PCF11: variants seen among roughly 807,000 people sequenced by gnomAD.
The protein encoded by PCF11 is PCF11 cleavage and polyadenylation factor subunit, also known as pre-mRNA cleavage complex 2 protein Pcf11.
A neutral mutation model predicts 166.1 loss-of-function variants in PCF11; 19 were observed. That is an observed-to-expected ratio of 0.11 (90% CI 0.08 to 0.17). The LOEUF (loss-of-function observed/expected upper bound fraction) is 0.17. Ranked by LOEUF, PCF11 falls within the 10% of genes least tolerant of loss-of-function variation. The pLI, the probability that PCF11 is intolerant of heterozygous loss-of-function variation, is 1.00. For synonymous variants in PCF11, 663 were observed against 644.1 expected (o/e 1.03, Z -0.44); for missense variants, 1,565 against 1,855.5 (o/e 0.84, Z 2.88).
At chr11:83,168,531 A>G (rs1200469592) in exon 8 of PCF11, 2 of 1,613,936 alleles carry the variant, frequency 1.2e-6, no homozygotes, top group Admixed American at 1.7e-5. Context: ...CAGCATCAAG[A>G]TTCGCCGGCC....
At chr11:83,174,294 A>G (rs760865913) in intron 9 of PCF11, among the ~76,000 whole-genome samples, 15 of 152,186 alleles carry the variant, frequency 9.9e-5, no homozygotes, top group Non-Finnish European at 1.3e-4. Context: ...CATTTTTCAG[A>G]CATATATTAG....
intron 15 of PCF11, 53 bp downstream of exon 15, chr11:83,183,126 C>A: frequency 1.9e-6 from 2 of 1,079,190 alleles, no homozygotes; most frequent in Admixed American, 2.9e-5. Flanking sequence ...ATAAATTTTA[C>A]TTTTCAGTTT....
chr11:83,175,879 C>T (rs1225642501), intron 9 of PCF11, among the ~76,000 whole-genome samples: 7 of 152,236 alleles, frequency 4.6e-5, no homozygotes, highest in Non-Finnish European at 1.0e-4. Flanking sequence ...TTAGGCTTAT[C>T]TTATTTATTC....
At chr11:83,161,214 A>T in intron 1 of PCF11, 113 bp from the exon 2 acceptor site, 1 of 763,130 alleles carries the variant, frequency 1.3e-6, no homozygotes, top group Non-Finnish European at 2.1e-6. Flanking sequence ...TACTTCAAAA[A>T]TATTTAGTAT....
intron 9 of PCF11, among the ~76,000 whole-genome samples, chr11:83,173,719 CTTTTTTTTTTTTT>C (rs869126679): frequency 2.0e-4 from 12 of 59,070 alleles, no homozygotes; most frequent in South Asian, 7.8e-4. Context: ...TTCTTTCTTT[CTTTTTTTTTTTTT>C]TTTTTTTTTT....
At chr11:83,165,281 G>A (rs1038514176) in intron 4 of PCF11, among the ~76,000 whole-genome samples, 2 of 152,314 alleles carry the variant, frequency 1.3e-5, no homozygotes, top group Middle Eastern at 3.4e-3. Context: ...CAGCCGGAGT[G>A]TAGTGATTTA....
At chr11:83,164,123 T>C in intron 3 of PCF11, 84 bp from the exon 4 acceptor site, 4 of 895,594 alleles carry the variant, frequency 4.5e-6, no homozygotes, top group Non-Finnish European at 5.1e-6. Context: ...TTGGATCATA[T>C]TAAGAGTTAA....
At chr11:83,169,907 A>G (rs1860624107) in exon 8 of PCF11, 4 of 1,611,370 alleles carry the variant, frequency 2.5e-6, no homozygotes, top group South Asian at 2.2e-5. Context: ...CACTATTTTG[A>G]TGAAAAAAAT....
At chr11:83,157,166 G>C in exon 1 of PCF11, 1 of 574,164 alleles carries the variant, frequency 1.7e-6, no homozygotes, top group Non-Finnish European at 3.1e-6. Context: ...GACATTTTCG[G>C]AGCTGGAGCC....
chr11:83,173,339 C>T (rs1366963417), intron 9 of PCF11, among the ~76,000 whole-genome samples: 2 of 152,042 alleles, frequency 1.3e-5, no homozygotes, highest in African/African-American at 4.8e-5. Context: ...CCTGTAGTCC[C>T]AGCTACTCAG....
Position 83,186,675 on chromosome 11 carries a change from G to A in PCF11, c.*1781G>A, listed in dbSNP as rs1193745157. ...GCTTTTTTATTTTTTTAAGAATCAA[G>A]TGAATACAATTTTAGAGATTGCTAA... On this transcript the variant is annotated 3_prime_UTR_variant, in exon 16 of 16. Transcript: ENST00000298281. 2.0e-5 allele frequency: 3 copies of A among 152,182 alleles called. No homozygotes were observed. The South Asian group carries it at 6.2e-4, about 31-fold the overall frequency. 9.4% of individuals were successfully genotyped at this position (152,182 alleles called of 1,614,324 possible).
chr11:83,171,850 T>C, exon 9 of PCF11: 5 of 1,605,250 alleles, frequency 3.1e-6, no homozygotes, highest in Non-Finnish European at 4.3e-6. Context: ...CAGTAGCTTT[T>C]GGTCAAGGAC....
exon 16 of PCF11, chr11:83,186,173 A>ATTGT (rs1178865784): frequency 2.6e-5 from 4 of 152,150 alleles, no homozygotes; most frequent in Admixed American, 6.5e-5. Flanking sequence ...CCCCAAATTG[A>ATTGT]TTGTTAGGAT....
chr11:83,169,952 T>A, exon 8 of PCF11: 1 of 1,605,174 alleles, frequency 6.2e-7, no homozygotes, highest in East Asian at 2.2e-5. Context: ...TTTGGCAATA[T>A]ACCTGCTCCA....
intron 7 of PCF11, among the ~76,000 whole-genome samples, chr11:83,168,224 T>G (rs1384346810): frequency 6.6e-6 from 1 of 152,136 alleles, no homozygotes; most frequent in East Asian, 1.9e-4. Flanking sequence ...AATGAAATAA[T>G]TAGTATGTTG....
In PCF11 at chr11:83,177,270, T is replaced by C. The variant is rs1385099807; in HGVS notation, c.3877+66T>C. 1.0e-5 allele frequency: 12 copies of C among 1,199,026 alleles called. 1 individual carries two copies. Among genetic ancestry groups the C allele is most frequent in the Non-Finnish European group, 1.4e-5 (12 of 884,958 alleles). The allele number at this position is 1,199,026 out of a possible 1,614,324, so 74.3% of individuals were successfully genotyped here. ...TAAGTTTTTGAGATGTATGATGTAATATAATGATATAAGTTATGATAAAGG... is the reference window on the plus strand; with the variant it reads ...TAAGTTTTTGAGATGTATGATGTAACATAATGATATAAGTTATGATAAAGG... On this transcript the variant is annotated intron_variant, in intron 10 of 15. Transcript: ENST00000298281.
chr11:83,167,756 T>C lies in PCF11; in HGVS notation c.2092+251T>C. The C allele has an allele frequency of 1.4e-6, 2 of 1,444,020 alleles. No homozygotes were observed. Among genetic ancestry groups the C allele is most frequent in the Non-Finnish European group, 1.8e-6 (2 of 1,089,582 alleles). The allele number at this position is 1,444,020 out of a possible 1,614,324, so 89.5% of individuals were successfully genotyped here. A position where few individuals can be genotyped will look rare whatever the true frequency, so the allele number is the denominator to read the frequency against. Reference sequence around the variant, plus strand: ...CCAAAAGTAAACATGCAAGTAGGAATAGTGGAGCACAGTTTGACAGAAAAG... The same window carrying C: ...CCAAAAGTAAACATGCAAGTAGGAACAGTGGAGCACAGTTTGACAGAAAAG... On this transcript the variant is annotated intron_variant, in intron 7 of 15. Transcript: ENST00000298281. The surrounding 1 kb of genome is among the most constrained non-coding windows in gnomAD (Gnocchi z 4.2).
chr11:83,166,201 T>C (rs1860449397), exon 5 of PCF11: 1 of 1,612,554 alleles, frequency 6.2e-7, no homozygotes, highest in Non-Finnish European at 8.5e-7. Context: ...GATGAGCACA[T>C]GAAGTCATCC....
chr11:83,186,096 T>C (rs1241118807), exon 16 of PCF11: 1 of 152,234 alleles, frequency 6.6e-6, no homozygotes, highest in African/African-American at 2.4e-5. Flanking sequence ...TTTAAAATTT[T>C]TATAAGAATT....
Sources: gnomAD v4.1 joint callset for allele counts (sites outside exome capture counted in the v4.1 genomes callset) on GRCh38, gnomAD v4.1.1 for gene constraint, Gnocchi (gnomAD v3.1) non-coding constraint, MANE v1.5 for transcripts, NCBI Gene and HGNC (gene_info 2026-07-23, HGNC 2026-07-21) for gene names.